Variants in AARS2 observed in about 807,000 individuals in gnomAD.
AARS2 encodes alanyl-tRNA synthetase 2, mitochondrial, also known as alanine--tRNA ligase, mitochondrial.
A neutral mutation model predicts 119.7 loss-of-function variants in AARS2; 78 were observed. That is an observed-to-expected ratio of 0.65 (90% confidence interval 0.54 to 0.79). The LOEUF is 0.79. Ranked by LOEUF, AARS2 falls within the 30% of genes least tolerant of loss-of-function variation. The pLI is 0.00. For synonymous variants in AARS2, 502 were observed against 526.3 expected (o/e 0.95, Z 0.63); for missense variants, 1,157 against 1,291.3 (o/e 0.90, Z 1.59).
chr6:44,302,687 G>A, intron 17 of AARS2, 115 bp downstream of exon 17: 2 of 1,450,462 alleles, frequency 1.4e-6, no homozygotes, highest in South Asian at 1.2e-5. Flanking sequence ...CCACATTGGT[G>A]TCCAAGTATG....
chr6:44,305,986 G>T lies in AARS2; in HGVS notation c.1301-200C>A, dbSNP rs1785811566. Among the ~76,000 whole-genome samples the T allele has an allele frequency of 6.6e-6, 1 of 152,150 alleles. No homozygotes were observed. ...AAGGCCAGAGCTGGGGGTAGTCCAGGGTACTCCCTGGGCACACATCATTTC... is the reference window on the plus strand; with the variant it reads ...AAGGCCAGAGCTGGGGGTAGTCCAGTGTACTCCCTGGGCACACATCATTTC... On this transcript the variant is annotated intron_variant, in intron 9 of 21. Transcript: ENST00000244571. The surrounding 1 kb of genome is among the most constrained non-coding windows in gnomAD (Gnocchi z 4.6).
At position 44,303,092 on chromosome 6, in the gene AARS2, C is replaced by G; in HGVS notation, c.2229G>C (p.Gln743His). The G allele has an allele frequency of 6.2e-7, 1 of 1,614,128 alleles. No individual in the cohort carries two copies. Among genetic ancestry groups the G allele is most frequent in the Non-Finnish European group, 8.5e-7 (1 of 1,180,042 alleles). ...ALDPASQAAL[Q>H]TSVELCCGTH... ...TCCCACAGCATAGCTCCACAGAGGTCTGCAGTGCGGCTTGGGAGGCTGGGT... is the reference window on the plus strand; with the variant it reads ...TCCCACAGCATAGCTCCACAGAGGTGTGCAGTGCGGCTTGGGAGGCTGGGT... Residue 743 changes from glutamine to histidine, a missense_variant, in exon 16 of 22, where the codon CAG becomes CAC. Transcript: ENST00000244571.
rs1411435094 is a variant in AARS2, at chr6:44,303,125, A to G, written c.2196T>C (p.His732=). The G allele has an allele frequency of 6.2e-7, 1 of 1,614,132 alleles. No homozygotes were observed. ...CGGCTTGGGAGGCTGGGTCCAATGC[A>G]TGGGCCACGGGCACCCCCACTGATA... is the stretch of plus-strand genomic sequence containing the variant. ...RVVSVGVPVA[H]ALDPASQAAL... is the part of the protein sequence containing the mutation. The change falls in exon 16 of 22, where the codon CAT becomes CAC. Residue 732 remains histidine, a synonymous_variant. Coordinates refer to ENST00000244571, the MANE Select transcript of AARS2 (RefSeq NM_020745.4).
rs1034847188 is a variant in AARS2, at chr6:44,300,323, G to A, written c.*224C>T. The A allele has an allele frequency of 6.5e-6, 4 of 616,522 alleles. No homozygotes were observed. The highest frequency in any genetic ancestry group is 1.1e-5 in the Non-Finnish European group (4 of 349,556). The allele number at this position is 616,522 out of a possible 1,614,324, so 38.2% of individuals were successfully genotyped here. A position where few individuals can be genotyped will look rare whatever the true frequency, so the allele number is the denominator to read the frequency against. On this transcript the variant is annotated 3_prime_UTR_variant, in exon 22 of 22. Coordinates refer to ENST00000244571, the MANE Select transcript of AARS2 (RefSeq NM_020745.4). ...TGCAGTCACAGCCATAATTGTCCAT[G>A]TCTTCTCTTTCACCAAGGGGGTGTG...
chr6:44,305,223 A>C lies in AARS2; in HGVS notation c.1435-25T>G, dbSNP rs369567852. The C allele has an allele frequency of 6.2e-7, 1 of 1,608,378 alleles. No individual in the cohort carries two copies. Among genetic ancestry groups the C allele is most frequent in the Non-Finnish European group, 8.5e-7 (1 of 1,179,978 alleles). On this transcript the variant is annotated intron_variant, in intron 10 of 21. Transcript: ENST00000244571. This position sits in a 1 kb window ranked among gnomAD's most constrained non-coding sequence, Gnocchi z 4.6. ...GCTGCAGGGTGGGCATGGGCATGGA[A>C]GAAGTGCATGGAGAATGAAAGAATG... is the stretch of plus-strand genomic sequence containing the variant.
At position 44,306,526 on chromosome 6, in the gene AARS2, C is replaced by T. The variant is rs369329368; in HGVS notation, c.1156G>A (p.Ala386Thr). Reference sequence around the variant, plus strand: ...GAGTTCCTTTGCAGTTCTGGATAAGCATCTCCCTGGGGGAGGTGGAGAGGG... The same window carrying T: ...GAGTTCCTTTGCAGTTCTGGATAAGTATCTCCCTGGGGGAGGTGGAGAGGG... ...VPVVVETLGD[A>T]YPELQRNSAQ... The change falls in exon 8 of 22, where the codon GCT (alanine) becomes ACT (threonine). Residue 386 changes from alanine to threonine, a missense_variant. Transcript: ENST00000244571. 9.3e-6 allele frequency: 15 copies of T among 1,614,028 alleles called. No individual in the cohort carries two copies. In the African/African-American group the frequency reaches 2.0e-4, roughly 22 times the overall value.
chr6:44,310,848 T>G, intron 4 of AARS2, 146 bp downstream of exon 4: 1 of 973,158 alleles, frequency 1.0e-6, no homozygotes, highest in Non-Finnish European at 1.5e-6. Context: ...AATCAGTTAT[T>G]ATCTATAAGG....
At chr6:44,306,828 C>G in intron 7 of AARS2, 95 bp downstream of exon 7, 1 of 1,216,582 alleles carries the variant, frequency 8.2e-7, no homozygotes, top group Non-Finnish European at 1.2e-6. Flanking sequence ...GTGGGGACCT[C>G]TGGGCACCCA....
chr6:44,302,974 GC>G (rs1212488774), intron 16 of AARS2, 64 bp from the exon 17 acceptor site: 10 of 1,600,778 alleles, frequency 6.2e-6, no homozygotes, highest in Non-Finnish European at 8.6e-6. Flanking sequence ...AAGCCAGCGT[GC>G]ATCTCCCATT....
chr6:44,300,846 TG>T, intron 21 of AARS2, 135 bp from the exon 22 acceptor site: 3 of 1,166,774 alleles, frequency 2.6e-6, no homozygotes, highest in Non-Finnish European at 3.7e-6. Flanking sequence ...GGCAGTCAGG[TG>T]ATGAGCCGGA....
chr6:44,308,596 CTTTTA>C (rs2153356072), intron 5 of AARS2, among the ~76,000 whole-genome samples: 1 of 151,876 alleles, frequency 6.6e-6, no homozygotes, highest in East Asian at 1.9e-4. Flanking sequence ...CTGATGTACA[CTTTTA>C]TTTATTTATT....
intron 3 of AARS2, 101 bp downstream of exon 3, chr6:44,311,289 C>T (rs1227096917): frequency 1.2e-6 from 2 of 1,604,976 alleles, no homozygotes; most frequent in African/African-American, 2.7e-5. Context: ...CCCACAATAT[C>T]CTGGAATGAA....
rs752238227 is a variant in AARS2 at position 44,313,090 on chromosome 6, G to A, written c.234C>T (p.Gly78=). ...ATGGTTCGGCCCTCACCTGGTTCATGCCCGCATTGACAAAAAGCAAACTGG... is the reference window on the plus strand; with the variant it reads ...ATGGTTCGGCCCTCACCTGGTTCATACCCGCATTGACAAAAAGCAAACTGG... ...GDPSLLFVNA[G]MNQFKPIFLG... Residue 78 remains glycine, a synonymous_variant, in exon 1 of 22, where the codon GGC becomes GGT. Transcript: ENST00000244571. 1 of 1,613,310 alleles carries A rather than the reference G, an allele frequency of 6.2e-7. No individual in the cohort carries two copies. Among genetic ancestry groups the A allele is most frequent in the Non-Finnish European group, 8.5e-7 (1 of 1,179,964 alleles).
intron 17 of AARS2, 60 bp downstream of exon 17, chr6:44,302,742 C>T: frequency 6.5e-7 from 1 of 1,538,240 alleles, no homozygotes. Context: ...GAGCATGTCA[C>T]CTGCGTGTGT....
intron 1 of AARS2, 116 bp downstream of exon 1, chr6:44,312,965 C>A (rs529419866): frequency 6.7e-7 from 1 of 1,500,668 alleles, no homozygotes; most frequent in South Asian, 1.2e-5. Flanking sequence ...AAGCACCGCC[C>A]TCTTTCCCCA....
Position 44,301,277 on chromosome 6 carries a change from A to G in AARS2, c.2683-11T>C, listed in dbSNP as rs764826575. 22 of 1,613,868 alleles carry G rather than the reference A, an allele frequency of 1.4e-5. No individual in the cohort carries two copies. In the South Asian group the frequency reaches 1.8e-4, roughly 13 times the overall value. On this transcript the variant is annotated splice_polypyrimidine_tract_variant and intron_variant, in intron 20 of 21. Transcript: ENST00000244571. ...CACCTTCACCAGCACCTGGACCACG[A>G]AAGACAGATGGTGAGCCCATCGCTT... is the stretch of plus-strand genomic sequence containing the variant.
intron 1 of AARS2, 98 bp downstream of exon 1, chr6:44,312,983 C>G: frequency 6.4e-7 from 1 of 1,553,268 alleles, no homozygotes; most frequent in Non-Finnish European, 8.7e-7. Context: ...CCAAAAGCTA[C>G]GAACTCCGCC....
intron 21 of AARS2, 76 bp downstream of exon 21, chr6:44,301,080 T>G (rs1785312294): frequency 1.3e-5 from 17 of 1,317,918 alleles, no homozygotes; most frequent in Non-Finnish European, 1.8e-5. Context: ...TGGGAGGAAT[T>G]AAAGGTGTAA....
intron 5 of AARS2, among the ~76,000 whole-genome samples, chr6:44,309,159 T>C (rs1786134167): frequency 6.6e-6 from 1 of 152,230 alleles, no homozygotes; most frequent in South Asian, 2.1e-4. Flanking sequence ...GTTCTGAGCC[T>C]ATGTGTCTGC....
Sources: allele counts gnomAD v4.1 joint callset (sites outside exome capture counted in the v4.1 genomes callset), GRCh38; gene constraint gnomAD v4.1.1; non-coding constraint Gnocchi (gnomAD v3.1); transcripts MANE v1.5; gene names NCBI Gene and HGNC (gene_info 2026-07-23, HGNC 2026-07-21).